PRKAG2: variants seen among roughly 807,000 people sequenced by gnomAD.
The protein encoded by PRKAG2 is protein kinase AMP-activated non-catalytic subunit gamma 2.
In PRKAG2, 26 loss-of-function variants were observed where a neutral mutation model predicts 69.6. That is an observed-to-expected ratio of 0.37 (90% CI 0.27 to 0.52). The LOEUF (loss-of-function observed/expected upper bound fraction) is 0.52. PRKAG2 is among the 20% of genes least tolerant of loss of function. PRKAG2 has a pLI of 0.90. For synonymous variants in PRKAG2, 293 were observed against 285.0 expected (o/e 1.03, Z -0.28); for missense variants, 557 against 740.0 (o/e 0.75, Z 2.87).
chr7:151,606,940 A>T (rs867236151), intron 5 of PRKAG2, among the ~76,000 whole-genome samples: 2 of 152,232 alleles, frequency 1.3e-5, no homozygotes, highest in East Asian at 1.9e-4. Context: ...CTTGCTTTTG[A>T]TATTTTCAGT....
At chr7:151,664,085 C>T (rs1018422414) in intron 4 of PRKAG2, among the ~76,000 whole-genome samples, 2 of 152,160 alleles carry the variant, frequency 1.3e-5, no homozygotes, top group Non-Finnish European at 2.9e-5. Flanking sequence ...CCATGAGACA[C>T]CATGTGCCAA....
chr7:151,785,161 C>A (rs73728293), intron 2 of PRKAG2, among the ~76,000 whole-genome samples: 1 of 152,214 alleles, frequency 6.6e-6, no homozygotes, highest in Non-Finnish European at 1.5e-5. Flanking sequence ...CAGCCGTCTG[C>A]GGAGCAGAGC....
At chr7:151,818,073 T>A (rs1220580513) in intron 1 of PRKAG2, among the ~76,000 whole-genome samples, 3 of 152,196 alleles carry the variant, frequency 2.0e-5, no homozygotes, top group Non-Finnish European at 4.4e-5. Context: ...AAGGATCAGG[T>A]ACCACCTGAG....
At chr7:151,854,999 G>GCTCCACACACACCACC (rs2079677296) in intron 1 of PRKAG2, among the ~76,000 whole-genome samples, 9 of 18,310 alleles carry the variant, frequency 4.9e-4, no homozygotes, top group African/African-American at 2.3e-3. Flanking sequence ...CACACACCAT[G>GCTCCACACACACCACC]CTCCACACAC....
chr7:151,691,584 T>C (rs1835677768), intron 3 of PRKAG2, among the ~76,000 whole-genome samples: 1 of 152,080 alleles, frequency 6.6e-6, no homozygotes, highest in Admixed American at 6.5e-5. Context: ...TCATTAATCT[T>C]TAGGGCTATA....
chr7:151,774,962 A>G (rs1299550957), intron 3 of PRKAG2, among the ~76,000 whole-genome samples: 1 of 152,228 alleles, frequency 6.6e-6, no homozygotes, highest in Admixed American at 6.5e-5. Context: ...GAACATGAGG[A>G]GAAGTGGGCA....
chr7:151,595,823 A>G (rs1017419319), intron 5 of PRKAG2, among the ~76,000 whole-genome samples: 2 of 152,218 alleles, frequency 1.3e-5, no homozygotes, highest in Non-Finnish European at 2.9e-5. Context: ...CAGGGTTAAT[A>G]AAACAAAGAC....
chr7:151,832,689 G>A (rs1268031797), intron 1 of PRKAG2, among the ~76,000 whole-genome samples: 2 of 151,708 alleles, frequency 1.3e-5, no homozygotes, highest in African/African-American at 2.4e-5. Flanking sequence ...GTCCACTCCT[G>A]AGGGGCCGCT....
intron 3 of PRKAG2, among the ~76,000 whole-genome samples, chr7:151,717,544 T>G (rs1032265913): frequency 6.6e-6 from 1 of 152,170 alleles, no homozygotes; most frequent in Non-Finnish European, 1.5e-5. Flanking sequence ...TGGCTCCAGA[T>G]GCCTTTTAAG....
At chr7:151,791,239 G>C (rs117922309) in intron 1 of PRKAG2, among the ~76,000 whole-genome samples, 2 of 152,188 alleles carry the variant, frequency 1.3e-5, no homozygotes, top group Non-Finnish European at 2.9e-5. Flanking sequence ...TCTTGGGGCC[G>C]GTGTGGGAAA....
intron 1 of PRKAG2, among the ~76,000 whole-genome samples, chr7:151,834,609 C>T (rs2079105988): frequency 6.6e-6 from 1 of 152,180 alleles, no homozygotes; most frequent in South Asian, 2.1e-4. Context: ...AGGAGGAACA[C>T]CCAGCACTAC....
intron 8 of PRKAG2, 131 bp downstream of exon 8, chr7:151,574,760 C>A: frequency 7.8e-7 from 1 of 1,287,552 alleles, no homozygotes; most frequent in South Asian, 1.6e-5. Flanking sequence ...TTTGGAAAAT[C>A]ACCATCAGCA....
At chr7:151,846,228 A>T (rs930605438) in intron 1 of PRKAG2, among the ~76,000 whole-genome samples, 3 of 152,146 alleles carry the variant, frequency 2.0e-5, no homozygotes, top group Non-Finnish European at 4.4e-5. Context: ...TAATCCCAGC[A>T]CTTTGGGGGT....
rs1806453103 is a variant in PRKAG2 at position 151,567,184 on chromosome 7, G to A, written c.1234-1299C>T. On this transcript the variant is annotated intron_variant, in intron 11 of 15. Coordinates refer to ENST00000287878, the MANE Select transcript of PRKAG2 (RefSeq NM_016203.4). The surrounding 1 kb of genome is among the most constrained non-coding windows in gnomAD (Gnocchi z 4.2). ...GGCACGTTTCCCAGCCAGGTGTCCT[G>A]TGTATGCAAGGTATGCAAACGCCTC... is the stretch of plus-strand genomic sequence containing the variant. Among the ~76,000 whole-genome samples the A allele has an allele frequency of 6.6e-6, 1 of 152,130 alleles. No homozygotes were observed.
rs141754917 is a variant in PRKAG2 at position 151,669,966 on chromosome 7, G to GCA, written c.684+5452_684+5453dup. 5.3e-3 allele frequency among the ~76,000 whole-genome samples: 654 copies of GCA among 122,620 alleles called. 19 individuals are homozygous for GCA. Among genetic ancestry groups the GCA allele is most frequent in the African/African-American group, 0.019 (598 of 31,676 alleles). The allele number at this position is 122,620 out of a possible 152,430, so 80.4% of individuals were successfully genotyped here. On this transcript the variant is annotated intron_variant, in intron 4 of 15. Transcript: ENST00000287878. ...TGCATGTACAACTTGTCACACACCT[G>GCA]CACACACCTGTGCACACACACTTGC... is the stretch of plus-strand genomic sequence containing the variant.
chr7:151,865,100 T>C (rs2080028633), intron 1 of PRKAG2, among the ~76,000 whole-genome samples: 1 of 152,234 alleles, frequency 6.6e-6, no homozygotes, highest in Non-Finnish European at 1.5e-5. Context: ...CACATGACCT[T>C]GCTTTCCATC....
chr7:151,662,745 G>GA lies in PRKAG2; in HGVS notation c.684+12674dup, dbSNP rs200212147. Among the ~76,000 whole-genome samples the GA allele has an allele frequency of 4.8e-3, 733 of 151,764 alleles. 3 individuals are homozygous for GA. Among genetic ancestry groups the GA allele is most frequent in the African/African-American group, 0.017 (701 of 41,402 alleles). Reference sequence around the variant, plus strand: ...GGGAGAACCTATCTCTTCAACAACAGAAAAAAAATTAGTCGGGCATGGTGG... The same window carrying GA: ...GGGAGAACCTATCTCTTCAACAACAGAAAAAAAAATTAGTCGGGCATGGTGG... On this transcript the variant is annotated intron_variant, in intron 4 of 15. Coordinates refer to ENST00000287878, the MANE Select transcript of PRKAG2 (RefSeq NM_016203.4).
At chr7:151,717,191 G>A (rs1029733373) in intron 3 of PRKAG2, among the ~76,000 whole-genome samples, 6 of 151,498 alleles carry the variant, frequency 4.0e-5, no homozygotes, top group Non-Finnish European at 7.4e-5. Flanking sequence ...AGGTTGCAGT[G>A]AGCTGAGATC....
chr7:151,754,073 A>T (rs1053121408), intron 3 of PRKAG2, among the ~76,000 whole-genome samples: 1 of 152,234 alleles, frequency 6.6e-6, no homozygotes, highest in Non-Finnish European at 1.5e-5. Flanking sequence ...AGCATGTGTT[A>T]GTGCTGCCTT....
Sources: allele counts gnomAD v4.1 joint callset (sites outside exome capture counted in the v4.1 genomes callset), GRCh38; gene constraint gnomAD v4.1.1; non-coding constraint Gnocchi (gnomAD v3.1); transcripts MANE v1.5; gene names NCBI Gene and HGNC (gene_info 2026-07-23, HGNC 2026-07-21).